Variants in PCA3 observed in about 807,000 individuals in gnomAD.
PCA3 encodes prostate cancer associated 3.
chr9:76,780,629 T>C (rs1223788161), intron 2 of PCA3, among the ~76,000 whole-genome samples: 1 of 152,162 alleles, frequency 6.6e-6, no homozygotes, highest in Non-Finnish European at 1.5e-5. Flanking sequence ...AGGCAGAGCT[T>C]GCAGTGAGCT....
intron 2 of PCA3, among the ~76,000 whole-genome samples, chr9:76,766,989 C>A (rs368705478): frequency 2.0e-5 from 3 of 152,206 alleles, no homozygotes; most frequent in African/African-American, 4.8e-5. Context: ...CACCTTCCCC[C>A]CAAGGCGAAG....
intron 2 of PCA3, chr9:76,764,574 T>C (rs1347327398): frequency 6.6e-6 from 1 of 152,348 alleles, no homozygotes; most frequent in African/African-American, 2.4e-5. Flanking sequence ...GCCATGGGAA[T>C]GGGTTTGGAA....
At chr9:76,770,229 G>T (rs376383301) in intron 2 of PCA3, among the ~76,000 whole-genome samples, 50 of 152,110 alleles carry the variant, frequency 3.3e-4, no homozygotes, top group Admixed American at 1.1e-3. Flanking sequence ...CCTTACACTT[G>T]TTTTCATTTA....
At chr9:76,771,533 G>A (rs1215253549) in intron 2 of PCA3, among the ~76,000 whole-genome samples, 5 of 152,160 alleles carry the variant, frequency 3.3e-5, no homozygotes, top group Admixed American at 6.5e-5. Flanking sequence ...ACGGTGAGTC[G>A]GGGGTCAGGG....
At chr9:76,773,005 G>C (rs1253250528) in intron 2 of PCA3, among the ~76,000 whole-genome samples, 1 of 152,102 alleles carries the variant, frequency 6.6e-6, no homozygotes, top group Admixed American at 6.6e-5. Context: ...CCAAAACCTT[G>C]CCACCTGGGA....
intron 2 of PCA3, among the ~76,000 whole-genome samples, chr9:76,768,816 A>C (rs1172342742): frequency 2.0e-5 from 3 of 151,944 alleles, no homozygotes; most frequent in Non-Finnish European, 4.4e-5. Flanking sequence ...ATGGTATGAG[A>C]CTCTGTATGG....
At chr9:76,770,198 T>C (rs2052936027) in intron 2 of PCA3, among the ~76,000 whole-genome samples, 1 of 152,204 alleles carries the variant, frequency 6.6e-6, no homozygotes, top group Non-Finnish European at 1.5e-5. Context: ...TGAGGCAACA[T>C]TCTTTGAAGA....
intron 2 of PCA3, among the ~76,000 whole-genome samples, chr9:76,777,404 T>C (rs551941869): frequency 1.1e-4 from 16 of 152,322 alleles, no homozygotes; most frequent in African/African-American, 3.8e-4. Flanking sequence ...ATGCCCACCA[T>C]GCTCTGTAAA....
intron 2 of PCA3, among the ~76,000 whole-genome samples, chr9:76,777,593 G>T (rs1370877079): frequency 6.6e-6 from 1 of 152,146 alleles, no homozygotes; most frequent in Non-Finnish European, 1.5e-5. Context: ...CATTCTTGGG[G>T]ATACAGTATT....
At chr9:76,766,995 C>T (rs116546485) in intron 2 of PCA3, among the ~76,000 whole-genome samples, 1,570 of 152,276 alleles carry the variant, frequency 0.01, 29 homozygotes, top group African/African-American at 0.036. Flanking sequence ...CCCCCCAAGG[C>T]GAAGGTAGGC....
chr9:76,769,549 C>T (rs1301239114), intron 2 of PCA3, among the ~76,000 whole-genome samples: 3 of 152,164 alleles, frequency 2.0e-5, no homozygotes, highest in Non-Finnish European at 1.5e-5. Flanking sequence ...CCTCAGCCTC[C>T]CAAGTAGCTG....
In PCA3 at chr9:76,786,258, C is replaced by A. The variant is rs149090698; in HGVS notation, n.853-22325C>A. On this transcript the variant is annotated intron_variant and non_coding_transcript_variant, in intron 2 of 5. Transcript: ENST00000644657. ...TGGATAGTCCAATAAATAATGTTAT[C>A]TTTGAACTGATGCTCATAGGAGAGA... 1.8e-3 allele frequency: 281 copies of A among 152,262 alleles called. 1 individual carries two copies. Among genetic ancestry groups the A allele is most frequent in the African/African-American group, 6.4e-3 (265 of 41,540 alleles). 9.4% of individuals were successfully genotyped at this position (152,262 alleles called of 1,614,324 possible). A position where few individuals can be genotyped will look rare whatever the true frequency, so the allele number is the denominator to read the frequency against.
At chr9:76,766,434 G>A (rs1230021305) in intron 2 of PCA3, among the ~76,000 whole-genome samples, 1 of 152,012 alleles carries the variant, frequency 6.6e-6, no homozygotes, top group Non-Finnish European at 1.5e-5. Flanking sequence ...TGTCTTTAAC[G>A]ATGCTTAACT....
chr9:76,773,740 G>A (rs771512062), intron 2 of PCA3, among the ~76,000 whole-genome samples: 2 of 152,120 alleles, frequency 1.3e-5, no homozygotes, highest in African/African-American at 2.4e-5. Context: ...CACCGCACCC[G>A]GCCAAGTACA....
intron 2 of PCA3, among the ~76,000 whole-genome samples, chr9:76,770,902 G>A (rs1433536853): frequency 6.6e-6 from 1 of 152,024 alleles, no homozygotes; most frequent in Non-Finnish European, 1.5e-5. Context: ...TGTGAAGGAA[G>A]ATACCAAAAA....
intron 2 of PCA3, chr9:76,786,470 T>C (rs2054992260): frequency 6.6e-6 from 1 of 152,376 alleles, no homozygotes; most frequent in Non-Finnish European, 1.5e-5. Context: ...ACCAGTGTCA[T>C]GAGTTGAATT....
At chr9:76,764,720 G>C (rs956848954) in intron 2 of PCA3, among the ~76,000 whole-genome samples, 1 of 152,216 alleles carries the variant, frequency 6.6e-6, no homozygotes, top group Non-Finnish European at 1.5e-5. Flanking sequence ...GTAGGAGCAG[G>C]GACACCAGTT....
chr9:76,786,305 T>A (rs1277554518), intron 2 of PCA3: 1 of 152,160 alleles, frequency 6.6e-6, no homozygotes, highest in Non-Finnish European at 1.5e-5. Flanking sequence ...CTGAGTGATA[T>A]CAACATTAGG....
chr9:76,768,623 G>GTGTGTGTA (rs1491356086), intron 2 of PCA3, among the ~76,000 whole-genome samples: 29 of 130,234 alleles, frequency 2.2e-4, no homozygotes, highest in African/African-American at 7.5e-4. Context: ...GTGTGTGTGT[G>GTGTGTGTA]TATATCCCTG....
Sources: gnomAD v4.1 joint callset for allele counts (sites outside exome capture counted in the v4.1 genomes callset) on GRCh38, gnomAD v4.1.1 for gene constraint, MANE v1.5 for transcripts, NCBI Gene and HGNC (gene_info 2026-07-23, HGNC 2026-07-21) for gene names.